FBXL17: variants seen among roughly 807,000 people sequenced by gnomAD.
FBXL17 encodes F-box/LRR-repeat protein 17.
FBXL17 carries 22 observed loss-of-function variants against 66.2 expected under a neutral mutation model. The ratio of observed to expected loss-of-function variants is 0.33; its 90% CI spans 0.24 to 0.47. The LOEUF (loss-of-function observed/expected upper bound fraction) is 0.47, where lower values mean the gene tolerates loss of function less well. Among genes scored for constraint, FBXL17 ranks in the 20% least tolerant of loss-of-function variants. The pLI is 1.00. For missense variants in FBXL17, 878 were observed against 948.2 expected (o/e 0.93, Z 0.97); for synonymous variants, 474 against 400.5 (o/e 1.18, Z -2.19).
chr5:107,931,257 ATT>A (rs59275945), intron 7 of FBXL17, among the ~76,000 whole-genome samples: 22 of 113,746 alleles, frequency 1.9e-4, no homozygotes, highest in East Asian at 3.5e-4. Flanking sequence ...GTTAAAGAGA[ATT>A]TTTTTTTTTT....
In FBXL17 at chr5:108,370,538, T is replaced by C. The variant is rs556239494; in HGVS notation, c.994-2585A>G. Among the ~76,000 whole-genome samples, 32 of 152,084 alleles carry C rather than the reference T, an allele frequency of 2.1e-4. 1 individual carries two copies. Among genetic ancestry groups the C allele is most frequent in the Admixed American group, 1.8e-3 (28 of 15,280 alleles). ...GGCAGGTGGATCATGAGGTCACGAG[T>C]ACAAGACCAGCCTGGCCAATATGGT... is the stretch of plus-strand genomic sequence containing the variant. On this transcript the variant is annotated intron_variant, in intron 1 of 8. Transcript: ENST00000542267.
chr5:108,042,914 T>G (rs1028926525), intron 6 of FBXL17, among the ~76,000 whole-genome samples: 8 of 152,170 alleles, frequency 5.3e-5, no homozygotes, highest in African/African-American at 1.9e-4. Context: ...GTGACAATCT[T>G]TTTTTACCAT....
At chr5:108,283,594 G>C (rs939210217) in intron 4 of FBXL17, among the ~76,000 whole-genome samples, 2 of 151,870 alleles carry the variant, frequency 1.3e-5, no homozygotes, top group Non-Finnish European at 2.9e-5. Flanking sequence ...AGAAAACCTA[G>C]GGAAAACTCT....
chr5:108,312,205 C>G (rs1163747720), intron 4 of FBXL17, among the ~76,000 whole-genome samples: 1 of 152,036 alleles, frequency 6.6e-6, no homozygotes, highest in East Asian at 1.9e-4. Context: ...ATAAAACATT[C>G]CTAGAAAGAA....
intron 4 of FBXL17, among the ~76,000 whole-genome samples, chr5:108,226,899 T>C (rs1036384180): frequency 6.6e-6 from 1 of 152,122 alleles, no homozygotes; most frequent in African/African-American, 2.4e-5. Context: ...TGGACTAGAA[T>C]TTACACCATT....
intron 6 of FBXL17, among the ~76,000 whole-genome samples, chr5:108,161,252 G>A (rs1217046343): frequency 6.6e-6 from 1 of 152,042 alleles, no homozygotes; most frequent in Non-Finnish European, 1.5e-5. Flanking sequence ...GGAGGCCCAG[G>A]TGGGCGGACT....
chr5:107,946,299 A>ATG (rs1180851711), intron 7 of FBXL17, among the ~76,000 whole-genome samples: 3 of 79,072 alleles, frequency 3.8e-5, no homozygotes, highest in Non-Finnish European at 7.5e-5. Context: ...ATATATATAT[A>ATG]TATATATATA....
At chr5:108,203,845 T>G (rs1420615058) in intron 5 of FBXL17, among the ~76,000 whole-genome samples, 1 of 152,168 alleles carries the variant, frequency 6.6e-6, no homozygotes, top group Non-Finnish European at 1.5e-5. Context: ...TTGAGTTAGC[T>G]GCATGAATGA....
intron 7 of FBXL17, among the ~76,000 whole-genome samples, chr5:107,955,226 C>T (rs1751623337): frequency 6.6e-6 from 1 of 151,828 alleles, no homozygotes. Flanking sequence ...AAGTACTAGG[C>T]CAAAGGACCA....
intron 8 of FBXL17, among the ~76,000 whole-genome samples, chr5:107,864,652 G>A (rs1023690601): frequency 2.0e-5 from 3 of 152,118 alleles, no homozygotes; most frequent in Non-Finnish European, 2.9e-5. Context: ...GTTTAAAAGT[G>A]TGTGTGGCAC....
chr5:108,020,216 G>A (rs1373033826), intron 7 of FBXL17, among the ~76,000 whole-genome samples: 1 of 151,780 alleles, frequency 6.6e-6, no homozygotes, highest in Admixed American at 6.6e-5. Flanking sequence ...CTCTTATAAA[G>A]CCTAATATAT....
chr5:108,264,899 A>G (rs907012554), intron 4 of FBXL17, among the ~76,000 whole-genome samples: 2 of 151,792 alleles, frequency 1.3e-5, no homozygotes, highest in African/African-American at 4.8e-5. Flanking sequence ...CATGAAAAAA[A>G]TCATGTTTTT....
intron 4 of FBXL17, among the ~76,000 whole-genome samples, chr5:108,301,067 T>C (rs1055641407): frequency 2.0e-5 from 3 of 151,840 alleles, no homozygotes; most frequent in Non-Finnish European, 2.9e-5. Flanking sequence ...TGATTCATGA[T>C]GTGATTACTA....
intron 6 of FBXL17, among the ~76,000 whole-genome samples, chr5:108,153,263 A>G (rs775678315): frequency 5.3e-5 from 8 of 152,204 alleles, no homozygotes; most frequent in Non-Finnish European, 8.8e-5. Flanking sequence ...CTGATACGGT[A>G]GCATATAAAT....
At chr5:108,048,895 T>C (rs377432209) in intron 6 of FBXL17, among the ~76,000 whole-genome samples, 1 of 152,028 alleles carries the variant, frequency 6.6e-6, no homozygotes, top group African/African-American at 2.4e-5. Context: ...CAGTACATTA[T>C]CCAGGAGAAG....
chr5:108,308,220 C>A (rs1580788074), intron 4 of FBXL17, among the ~76,000 whole-genome samples: 1 of 151,790 alleles, frequency 6.6e-6, no homozygotes, highest in Admixed American at 6.6e-5. Flanking sequence ...GTAAAAATAA[C>A]AATGGTAGTA....
intron 5 of FBXL17, among the ~76,000 whole-genome samples, chr5:108,202,804 C>G (rs955110530): frequency 6.6e-6 from 1 of 152,126 alleles, no homozygotes; most frequent in African/African-American, 2.4e-5. Flanking sequence ...CTGCAGGTAA[C>G]TGACACCTGG....
intron 6 of FBXL17, among the ~76,000 whole-genome samples, chr5:108,047,658 C>T (rs549486841): frequency 6.6e-6 from 1 of 152,296 alleles, no homozygotes; most frequent in African/African-American, 2.4e-5. Flanking sequence ...CATAGCTCAA[C>T]ACACCGGCTG....
At chr5:107,899,650 C>T (rs767257682) in intron 7 of FBXL17, among the ~76,000 whole-genome samples, 3 of 152,050 alleles carry the variant, frequency 2.0e-5, no homozygotes, top group African/African-American at 7.2e-5. Flanking sequence ...GAAGTTGGTG[C>T]CCCTACACAT....
Sources: gnomAD v4.1 joint callset for allele counts (sites outside exome capture counted in the v4.1 genomes callset) on GRCh38, gnomAD v4.1.1 for gene constraint, MANE v1.5 for transcripts, NCBI Gene and HGNC (gene_info 2026-07-23, HGNC 2026-07-21) for gene names.